Variants in TMEM132B observed in about 807,000 individuals in gnomAD.
TMEM132B encodes transmembrane protein 132B.
In TMEM132B, 18 loss-of-function variants were observed where a neutral mutation model predicts 90.8. That is an observed-to-expected ratio of 0.20 (90% CI 0.14 to 0.29). The LOEUF is 0.29. Among genes scored for constraint, TMEM132B ranks in the 10% least tolerant of loss-of-function variants. The pLI, the probability that TMEM132B is intolerant of heterozygous loss-of-function variation, is 1.00. For missense variants in TMEM132B, 1,096 were observed against 1,326.8 expected, an observed-to-expected ratio of 0.83 and a Z score of 2.70; for synonymous variants, 504 against 523.3, an observed-to-expected ratio of 0.96 and a Z score of 0.50.
At chr12:125,200,822 CA>C (rs1873038946) in intron 1 of TMEM132B, among the ~76,000 whole-genome samples, 1 of 152,150 alleles carries the variant, frequency 6.6e-6, no homozygotes, top group East Asian at 1.9e-4. Context: ...TTCTTGAGGG[CA>C]GGACCCAGCC....
intron 5 of TMEM132B, among the ~76,000 whole-genome samples, chr12:125,625,278 G>A (rs1186747566): frequency 1.3e-5 from 2 of 151,702 alleles, no homozygotes; most frequent in Non-Finnish European, 2.9e-5. Context: ...GACTACAGGC[G>A]CCCGCCCCCA....
chr12:125,295,602 G>A (rs1260761231), intron 1 of TMEM132B, among the ~76,000 whole-genome samples: 3 of 151,972 alleles, frequency 2.0e-5, no homozygotes, highest in African/African-American at 4.8e-5. Context: ...AGGCTGCTTT[G>A]TTGTGATGAT....
chr12:125,539,204 G>A (rs1883891393), intron 4 of TMEM132B, among the ~76,000 whole-genome samples: 1 of 152,204 alleles, frequency 6.6e-6, no homozygotes, highest in Non-Finnish European at 1.5e-5. Flanking sequence ...GGCCGAAAGA[G>A]GTCTGTGTGC....
chr12:125,541,140 A>G (rs1228385708), intron 4 of TMEM132B, among the ~76,000 whole-genome samples: 1 of 151,698 alleles, frequency 6.6e-6, no homozygotes, highest in Non-Finnish European at 1.5e-5. Context: ...AGAACGACCA[A>G]CTCCTTTTAT....
intron 5 of TMEM132B, among the ~76,000 whole-genome samples, chr12:125,605,919 A>T (rs1245589463): frequency 1.3e-5 from 2 of 152,242 alleles, no homozygotes; most frequent in Non-Finnish European, 2.9e-5. Flanking sequence ...GCAAAGACTG[A>T]TGATGTATGA....
chr12:125,481,517 A>G (rs1882042749), intron 3 of TMEM132B, among the ~76,000 whole-genome samples: 1 of 152,218 alleles, frequency 6.6e-6, no homozygotes, highest in Admixed American at 6.5e-5. Flanking sequence ...TACAGAGAGA[A>G]TAAAATACCT....
chr12:125,428,945 A>T (rs1300528004), intron 3 of TMEM132B, among the ~76,000 whole-genome samples: 1 of 152,130 alleles, frequency 6.6e-6, no homozygotes, highest in Non-Finnish European at 1.5e-5. Flanking sequence ...CCCTGAAGAT[A>T]TTCCCCTGTC....
chr12:125,499,874 A>G (rs1389413928), intron 3 of TMEM132B, among the ~76,000 whole-genome samples: 1 of 152,218 alleles, frequency 6.6e-6, no homozygotes, highest in Non-Finnish European at 1.5e-5. Context: ...CACACACTAT[A>G]TTGTAAATTC....
At chr12:125,441,677 AG>A (rs910292429) in intron 3 of TMEM132B, among the ~76,000 whole-genome samples, 1 of 152,182 alleles carries the variant, frequency 6.6e-6, no homozygotes, top group African/African-American at 2.4e-5. Context: ...CAGGGGAAAG[AG>A]GCTTTTTAAA....
chr12:125,406,550 T>A lies in TMEM132B; in HGVS notation c.960-8981T>A, dbSNP rs566827671. On this transcript the variant is annotated intron_variant, in intron 2 of 8. Coordinates refer to ENST00000682704, the MANE Select transcript of TMEM132B (RefSeq NM_001366854.1). This position sits in a 1 kb window ranked among gnomAD's most constrained non-coding sequence, Gnocchi z 8.3. Reference sequence around the variant, plus strand: ...TCTTTGCATTTCCAAGTGCTTCATGTGTAGTACCTGAAACTCAAGAAATCC... The same window carrying A: ...TCTTTGCATTTCCAAGTGCTTCATGAGTAGTACCTGAAACTCAAGAAATCC... Among the ~76,000 whole-genome samples, 37 of 152,336 alleles carry A rather than the reference T, an allele frequency of 2.4e-4. No homozygotes were observed. The highest frequency in any genetic ancestry group is 4.6e-4 in the Non-Finnish European group (31 of 68,028).
chr12:125,432,519 A>ATGTATGTG lies in TMEM132B; in HGVS notation c.1106+16843_1106+16844insGTATGTGT, dbSNP rs1413050732. On this transcript the variant is annotated intron_variant, in intron 3 of 8. Transcript: ENST00000682704. The stretch of plus-strand genomic sequence containing the variant: ...TATATATATGTGTGTGTGTATATAT[A>ATGTATGTG]TATATATATAGAGAGAGAGAGAGAG... Among the ~76,000 whole-genome samples, 26 of 64,056 alleles carry ATGTATGTG rather than the reference A, an allele frequency of 4.1e-4. 5 individuals carry two copies. Among genetic ancestry groups the ATGTATGTG allele is most frequent in the South Asian group, 1.3e-3 (2 of 1,522 alleles). 42.0% of individuals were successfully genotyped at this position (64,056 alleles called of 152,430 possible).
intron 3 of TMEM132B, among the ~76,000 whole-genome samples, chr12:125,452,624 G>C (rs2136452967): frequency 6.6e-6 from 1 of 152,278 alleles, no homozygotes; most frequent in South Asian, 2.1e-4. Context: ...TTTTTCCACA[G>C]CCTCCTCAGT....
chr12:125,265,106 G>A (rs73233327), intron 1 of TMEM132B, among the ~76,000 whole-genome samples: 1 of 152,104 alleles, frequency 6.6e-6, no homozygotes, highest in African/African-American at 2.4e-5. Flanking sequence ...AAGCATTTGT[G>A]TATGTAAACA....
chr12:125,273,964 T>G (rs1874918602), intron 1 of TMEM132B, among the ~76,000 whole-genome samples: 1 of 152,190 alleles, frequency 6.6e-6, no homozygotes, highest in Non-Finnish European at 1.5e-5. Flanking sequence ...GTGCCTGGAC[T>G]CTCCTCTACT....
intron 2 of TMEM132B, among the ~76,000 whole-genome samples, chr12:125,353,092 G>A (rs901332831): frequency 3.3e-5 from 5 of 152,180 alleles, no homozygotes; most frequent in African/African-American, 1.2e-4. Context: ...TGTAGACCAA[G>A]AATGGCCAAG....
intron 3 of TMEM132B, among the ~76,000 whole-genome samples, chr12:125,464,604 C>G (rs1881518849): frequency 6.6e-6 from 1 of 152,190 alleles, no homozygotes; most frequent in Admixed American, 6.5e-5. Flanking sequence ...TGCTCAGTGA[C>G]TGAAGTATTA....
At chr12:125,311,470 T>A (rs1291995269) in intron 1 of TMEM132B, among the ~76,000 whole-genome samples, 1 of 152,170 alleles carries the variant, frequency 6.6e-6, no homozygotes, top group Non-Finnish European at 1.5e-5. Flanking sequence ...GCTTCTCTCT[T>A]CCTTTTACAT....
At chr12:125,602,255 C>G (rs1885589646) in intron 5 of TMEM132B, among the ~76,000 whole-genome samples, 1 of 152,182 alleles carries the variant, frequency 6.6e-6, no homozygotes, top group African/African-American at 2.4e-5. Flanking sequence ...CATCAAAAAG[C>G]TTATCTACCG....
At chr12:125,473,901 T>C (rs972917711) in intron 3 of TMEM132B, among the ~76,000 whole-genome samples, 7 of 152,162 alleles carry the variant, frequency 4.6e-5, no homozygotes, top group Non-Finnish European at 1.0e-4. Context: ...GTTTTTTTTT[T>C]CTTCTTTTTG....
Sources: gnomAD v4.1 joint callset for allele counts (sites outside exome capture counted in the v4.1 genomes callset) on GRCh38, gnomAD v4.1.1 for gene constraint, Gnocchi (gnomAD v3.1) non-coding constraint, MANE v1.5 for transcripts, NCBI Gene and HGNC (gene_info 2026-07-23, HGNC 2026-07-21) for gene names.